The following FMNL2 variants were observed in gnomAD, a reference collection of about 807,000 sequenced individuals.
FMNL2 encodes the protein formin-like protein 2.
In FMNL2, 51 loss-of-function variants were observed where a neutral mutation model predicts 130.2. The ratio of observed to expected loss-of-function variants is 0.39; its 90% CI spans 0.31 to 0.49. FMNL2 has a LOEUF of 0.49. Ranked by LOEUF, FMNL2 falls within the 20% of genes least tolerant of loss-of-function variation. The pLI is 0.85. For synonymous variants in FMNL2, 465 were observed against 467.1 expected (o/e 1.00, Z 0.06); for missense variants, 977 against 1,316.2 (o/e 0.74, Z 3.99).
At chr2:152,343,227 C>T (rs1251182898) in intron 1 of FMNL2, among the ~76,000 whole-genome samples, 1 of 152,222 alleles carries the variant, frequency 6.6e-6, no homozygotes, top group African/African-American at 2.4e-5. Context: ...AGTAATCTCA[C>T]TTGACTGACT....
intron 1 of FMNL2, among the ~76,000 whole-genome samples, chr2:152,437,469 AC>A (rs996423001): frequency 1.3e-5 from 2 of 151,502 alleles, no homozygotes; most frequent in Non-Finnish European, 2.9e-5. Context: ...ATAATAATGC[AC>A]CCCCCCTGCG....
At chr2:152,544,195 T>A (rs1423031649) in intron 3 of FMNL2, among the ~76,000 whole-genome samples, 4 of 152,108 alleles carry the variant, frequency 2.6e-5, no homozygotes, top group South Asian at 2.1e-4. Context: ...GGTGGGTGGA[T>A]CACCTGAGGT....
chr2:152,521,179 T>TA (rs1397066402), intron 1 of FMNL2, among the ~76,000 whole-genome samples: 3 of 152,178 alleles, frequency 2.0e-5, no homozygotes, highest in Non-Finnish European at 4.4e-5. Context: ...CCTAGTATCT[T>TA]AAAAATGTGT....
chr2:152,575,226 T>A lies in FMNL2; in HGVS notation c.687T>A (p.Arg229=). ...DDVHVCIMCL[R]AIMNYQYGFN... is the part of the protein sequence containing the mutation. Reference sequence around the variant, plus strand: ...TGCATGTCTGTATCATGTGTTTACGTGCCATCATGAATTATCAGGTATGTT... The same window carrying A: ...TGCATGTCTGTATCATGTGTTTACGAGCCATCATGAATTATCAGGTATGTT... The change falls in exon 7 of 26, where the codon CGT becomes CGA. Residue 229 remains arginine, a synonymous_variant. Transcript: ENST00000288670. The A allele has an allele frequency of 6.3e-7, 1 of 1,598,142 alleles. No individual in the cohort carries two copies. The highest frequency in any genetic ancestry group is 1.3e-5 in the African/African-American group (1 of 74,888).
chr2:152,620,761 C>T (rs1453853274), intron 15 of FMNL2, among the ~76,000 whole-genome samples: 3 of 152,188 alleles, frequency 2.0e-5, no homozygotes, highest in African/African-American at 7.2e-5. Context: ...GCTCATTCAT[C>T]CCAATGACTG....
At chr2:152,374,982 A>C (rs1430714134) in intron 1 of FMNL2, among the ~76,000 whole-genome samples, 4 of 152,226 alleles carry the variant, frequency 2.6e-5, no homozygotes, top group Non-Finnish European at 5.9e-5. Flanking sequence ...TGAGGTGGTC[A>C]CTGCTTTTCA....
rs549935593 is a variant in FMNL2 at position 152,405,707 on chromosome 2, AC to A, written c.117+69988del. On this transcript the variant is annotated intron_variant, in intron 1 of 25. Transcript: ENST00000288670. ...ACAAAGGCCAAGTTGAAGTAAAGTG[AC>A]TTGAGATCTAGAAACTGGTCAGTGA... is the stretch of plus-strand genomic sequence containing the variant. 7.8e-4 allele frequency among the ~76,000 whole-genome samples: 119 copies of A among 152,292 alleles called. 1 individual carries two copies. The highest frequency in any genetic ancestry group is 2.8e-3 in the African/African-American group (116 of 41,554).
At chr2:152,488,116 A>G (rs1690940301) in intron 1 of FMNL2, among the ~76,000 whole-genome samples, 2 of 152,184 alleles carry the variant, frequency 1.3e-5, no homozygotes, top group African/African-American at 4.8e-5. Flanking sequence ...TTTTCTGTGT[A>G]TCTGCAAAAG....
chr2:152,646,157 C>CAAA (rs3080636), intron 25 of FMNL2, among the ~76,000 whole-genome samples: 3,051 of 116,786 alleles, frequency 0.026, 51 homozygotes, highest in East Asian at 0.046. Flanking sequence ...CCCATCTCTA[C>CAAA]AAAAAAAAAA....
At chr2:152,449,401 T>C (rs1688516278) in intron 1 of FMNL2, among the ~76,000 whole-genome samples, 1 of 152,204 alleles carries the variant, frequency 6.6e-6, no homozygotes, top group South Asian at 2.1e-4. Context: ...TCTGCAAAAT[T>C]AATTAACAGT....
chr2:152,578,923 T>G lies in FMNL2; in HGVS notation c.741T>G (p.Ala247=). The G allele has an allele frequency of 6.2e-7, 1 of 1,613,664 alleles. No individual in the cohort carries two copies. The highest frequency in any genetic ancestry group is 1.1e-5 in the South Asian group (1 of 90,976). The change falls in exon 8 of 26, where the codon GCT becomes GCG. Residue 247 remains alanine, a synonymous_variant. Transcript: ENST00000288670. ...GFNMVMSHPH[A]VNEIALSLNN... Reference sequence around the variant, plus strand: ...ACATGGTCATGTCTCATCCACACGCTGTCAATGAGATTGCACTAAGCCTGA... The same window carrying G: ...ACATGGTCATGTCTCATCCACACGCGGTCAATGAGATTGCACTAAGCCTGA...
intron 1 of FMNL2, among the ~76,000 whole-genome samples, chr2:152,479,661 A>G (rs1233950723): frequency 1.7e-4 from 26 of 148,892 alleles, no homozygotes. Flanking sequence ...GCTTAAGTAC[A>G]TTGGCTTTAA....
chr2:152,611,524 A>G lies in FMNL2; in HGVS notation c.981A>G (p.Val327=), dbSNP rs1163386507. 6.3e-7 allele frequency: 1 copy of G among 1,596,684 alleles called. No homozygotes were observed. Among genetic ancestry groups the G allele is most frequent in the Non-Finnish European group, 8.5e-7 (1 of 1,170,158 alleles). The change falls in exon 11 of 26, where the codon GTA becomes GTG. Residue 327 remains valine (V), a synonymous_variant. Coordinates refer to ENST00000288670, the MANE Select transcript of FMNL2 (RefSeq NM_052905.4). Reference sequence around the variant, plus strand: ...CTTCTATGCAGTTTATTAATATTGTAGTCCATTCAGTAGAAGATATGAATT... The same window carrying G: ...CTTCTATGCAGTTTATTAATATTGTGGTCCATTCAGTAGAAGATATGAATT... The part of the protein sequence containing the change: ...MVASMQFINI[V]VHSVEDMNFR...
intron 1 of FMNL2, among the ~76,000 whole-genome samples, chr2:152,342,465 G>A (rs1259730692): frequency 1.3e-5 from 2 of 152,170 alleles, no homozygotes; most frequent in East Asian, 1.9e-4. Context: ...TTTATGGAGT[G>A]CCACTGCCAT....
chr2:152,546,926 C>T (rs1558953487), intron 3 of FMNL2, among the ~76,000 whole-genome samples: 1 of 151,398 alleles, frequency 6.6e-6, no homozygotes, highest in Non-Finnish European at 1.5e-5. Context: ...GCTGCCCATC[C>T]TGCATTACTT....
chr2:152,393,865 A>G (rs907498301), intron 1 of FMNL2, among the ~76,000 whole-genome samples: 2 of 152,212 alleles, frequency 1.3e-5, no homozygotes, highest in South Asian at 2.1e-4. Context: ...ACTAATGAGG[A>G]TGGCTGTGCT....
chr2:152,351,139 C>T (rs1464904457), intron 1 of FMNL2, among the ~76,000 whole-genome samples: 2 of 152,092 alleles, frequency 1.3e-5, no homozygotes, highest in African/African-American at 4.8e-5. Flanking sequence ...TGAAGTTGCC[C>T]ATGAAAGTAC....
chr2:152,627,654 A>G (rs1478074209), intron 17 of FMNL2, among the ~76,000 whole-genome samples: 2 of 152,222 alleles, frequency 1.3e-5, no homozygotes, highest in African/African-American at 4.8e-5. Flanking sequence ...TCTATTATTT[A>G]GCTGAACAAA....
chr2:152,425,712 C>T (rs7586834), intron 1 of FMNL2, among the ~76,000 whole-genome samples: 37,607 of 152,052 alleles, frequency 0.25, 5,350 homozygotes, highest in East Asian at 0.37. Flanking sequence ...ACATCTTGAG[C>T]GGAGCTTTAA....
Sources: allele counts gnomAD v4.1 joint callset (sites outside exome capture counted in the v4.1 genomes callset), GRCh38; gene constraint gnomAD v4.1.1; transcripts MANE v1.5; gene names NCBI Gene and HGNC (gene_info 2026-07-23, HGNC 2026-07-21).